The following GPHN variants were observed in gnomAD, a reference collection of about 807,000 sequenced individuals.
GPHN encodes gephyrin.
In GPHN, 17 loss-of-function variants were observed where a neutral mutation model predicts 95.5. That is an observed-to-expected ratio of 0.18 (90% CI 0.12 to 0.27). GPHN has a LOEUF of 0.27. Ranked by LOEUF, GPHN falls within the 10% of genes least tolerant of loss-of-function variation. The probability of loss-of-function intolerance (pLI) is 1.00; values close to 1 mark genes in which losing one functional copy is unlikely to be tolerated. For missense variants in GPHN, 660 were observed against 978.1 expected (o/e 0.67, Z 4.34); for synonymous variants, 320 against 322.5 (o/e 0.99, Z 0.08).
intron 8 of GPHN, among the ~76,000 whole-genome samples, chr14:66,944,769 A>C (rs1285265690): frequency 1.3e-5 from 2 of 152,230 alleles, no homozygotes; most frequent in African/African-American, 4.8e-5. Context: ...AGAAAAACTT[A>C]ATCACTTTCC....
chr14:66,728,879 C>T (rs763332817), intron 2 of GPHN, among the ~76,000 whole-genome samples: 4 of 151,930 alleles, frequency 2.6e-5, no homozygotes, highest in South Asian at 2.1e-4. Context: ...TAGGAGGGGT[C>T]GGGGTGGAAT....
At chr14:67,377,479 T>A in the GPHN span, among the ~76,000 whole-genome samples, 3 of 152,218 alleles carry the variant, frequency 2.0e-5, no homozygotes, top group Admixed American at 6.5e-5. Context: ...CACTACCTAT[T>A]TTATTTTATA....
the GPHN span, among the ~76,000 whole-genome samples, chr14:67,561,190 C>T: frequency 4.0e-4 from 61 of 152,272 alleles, no homozygotes; most frequent in Admixed American, 9.8e-4. Context: ...GGCTTACCTG[C>T]GTATTCTCAC....
the GPHN span, chr14:67,395,694 C>G: frequency 3.4e-5 from 26 of 773,416 alleles, 1 homozygote; most frequent in South Asian, 4.3e-4. Flanking sequence ...CTGCCAAATG[C>G]CCTGAGCCCT....
the GPHN span, among the ~76,000 whole-genome samples, chr14:67,297,054 T>C: frequency 6.6e-6 from 1 of 152,332 alleles, no homozygotes; most frequent in East Asian, 1.9e-4. Context: ...TTATTTTAAC[T>C]TGATAATAGT....
the GPHN span, among the ~76,000 whole-genome samples, chr14:67,276,414 C>T: frequency 4.7e-4 from 71 of 152,254 alleles, no homozygotes; most frequent in African/African-American, 1.5e-3. Context: ...TTTTTAGTTG[C>T]CCTTTGAAAT....
intron 9 of GPHN, among the ~76,000 whole-genome samples, chr14:66,976,507 C>G (rs1426603527): frequency 6.6e-6 from 1 of 152,126 alleles, no homozygotes; most frequent in Admixed American, 6.6e-5. Flanking sequence ...CCATAGTAAA[C>G]TATCCTCTGG....
At chr14:66,974,008 A>G (rs186742185) in intron 9 of GPHN, among the ~76,000 whole-genome samples, 31 of 152,290 alleles carry the variant, frequency 2.0e-4, no homozygotes, top group Admixed American at 1.9e-3. Context: ...TATTTTACTC[A>G]CTTACATTAA....
the GPHN span, chr14:67,515,349 C>T: frequency 6.2e-6 from 1 of 161,668 alleles, no homozygotes; most frequent in South Asian, 1.7e-4. Flanking sequence ...CGGCGTCCGC[C>T]GCGGCGGCGC....
the GPHN span, among the ~76,000 whole-genome samples, chr14:67,377,204 G>C: frequency 8.5e-5 from 13 of 152,076 alleles, no homozygotes; most frequent in Non-Finnish European, 1.8e-4. Context: ...TGCCATTATT[G>C]TGAGCTTTTG....
intron 3 of GPHN, among the ~76,000 whole-genome samples, chr14:66,808,606 G>T (rs936121911): frequency 1.3e-5 from 2 of 152,190 alleles, no homozygotes; most frequent in South Asian, 4.1e-4. Context: ...AGACCAGCCT[G>T]ACCAACATGG....
At chr14:67,510,103 C>T in the GPHN span, among the ~76,000 whole-genome samples, 1 of 152,144 alleles carries the variant, frequency 6.6e-6, no homozygotes, top group Admixed American at 6.5e-5. Flanking sequence ...TATGGGTGAT[C>T]ACTTTATCTT....
intron 11 of GPHN, among the ~76,000 whole-genome samples, chr14:67,078,136 G>A (rs930385228): frequency 1.3e-5 from 2 of 152,130 alleles, no homozygotes; most frequent in Admixed American, 1.3e-4. Context: ...TTGGCACACA[G>A]CCTAACCTTC....
At chr14:66,587,539 G>A (rs1437187263) in intron 1 of GPHN, among the ~76,000 whole-genome samples, 1 of 152,158 alleles carries the variant, frequency 6.6e-6, no homozygotes, top group African/African-American at 2.4e-5. Context: ...GATCAAGTTG[G>A]ATTTATTTCT....
At chr14:66,704,680 T>TA (rs2068893087) in intron 2 of GPHN, among the ~76,000 whole-genome samples, 2 of 152,100 alleles carry the variant, frequency 1.3e-5, no homozygotes, top group Non-Finnish European at 2.9e-5. Flanking sequence ...GAGAGAAACT[T>TA]ACGGCACTAA....
chr14:67,075,044 G>A (rs2076443702), intron 11 of GPHN, among the ~76,000 whole-genome samples: 1 of 152,198 alleles, frequency 6.6e-6, no homozygotes, highest in Non-Finnish European at 1.5e-5. Context: ...TATATAGGAA[G>A]AAGATGCCTT....
chr14:67,484,541 A>G, the GPHN span, among the ~76,000 whole-genome samples: 598 of 152,336 alleles, frequency 3.9e-3, 1 homozygote, highest in African/African-American at 0.014. Context: ...GTAATCACAC[A>G]TCTTAGAGAA....
At chr14:67,128,097 C>T (rs17104018) in intron 17 of GPHN, among the ~76,000 whole-genome samples, 9,709 of 152,174 alleles carry the variant, frequency 0.064, 736 homozygotes, top group African/African-American at 0.18. Context: ...TAGGTCTCCC[C>T]GTGGCTTACC....
chr14:67,667,188 A>G, the GPHN span, among the ~76,000 whole-genome samples: 1 of 152,186 alleles, frequency 6.6e-6, no homozygotes, highest in Admixed American at 6.5e-5. Flanking sequence ...CAGAAAGCCT[A>G]CCTTAATGTT....
Sources: allele counts gnomAD v4.1 joint callset (sites outside exome capture counted in the v4.1 genomes callset), GRCh38; gene constraint gnomAD v4.1.1; transcripts MANE v1.5; gene names NCBI Gene and HGNC (gene_info 2026-07-23, HGNC 2026-07-21).